VPS13B: variants seen among roughly 807,000 people sequenced by gnomAD.
VPS13B encodes the protein vacuolar protein sorting 13 homolog B, also known as intermembrane lipid transfer protein VPS13B.
A neutral mutation model predicts 426.4 loss-of-function variants in VPS13B; 285 were observed. The observed-to-expected ratio is 0.67, with a 90% confidence interval of 0.61 to 0.74. VPS13B has a LOEUF of 0.74. VPS13B is among the 30% of genes least tolerant of loss of function. The pLI, the probability that VPS13B is intolerant of heterozygous loss-of-function variation, is 0.00. For synonymous variants in VPS13B, 1,676 were observed against 1,676.4 expected, an observed-to-expected ratio of 1.00 and a Z score of 0.01; for missense variants, 4,537 against 4,782.6, an observed-to-expected ratio of 0.95 and a Z score of 1.51.
intron 8 of VPS13B, among the ~76,000 whole-genome samples, chr8:99,126,765 T>C (rs1156761345): frequency 6.6e-6 from 1 of 152,208 alleles, no homozygotes; most frequent in Non-Finnish European, 1.5e-5. Context: ...CATATATATG[T>C]GGAAGAGTTT....
intron 30 of VPS13B, among the ~76,000 whole-genome samples, chr8:99,553,897 A>C (rs933749361): frequency 6.6e-6 from 1 of 152,098 alleles, no homozygotes; most frequent in Admixed American, 6.6e-5. Context: ...TAAAAGTTTG[A>C]AATTTGAAAA....
intron 31 of VPS13B, among the ~76,000 whole-genome samples, chr8:99,557,768 T>C (rs1824667366): frequency 6.6e-6 from 1 of 152,194 alleles, no homozygotes; most frequent in Admixed American, 6.5e-5. Context: ...CTTAACGATT[T>C]ATAGTCACTG....
At position 99,096,414 on chromosome 8, in the gene VPS13B, G is replaced by T. The variant is rs1345448425; in HGVS notation, c.394G>T (p.Asp132Tyr). 6.2e-7 allele frequency: 1 copy of T among 1,613,948 alleles called. No individual in the cohort carries two copies. The highest frequency in any genetic ancestry group is 1.3e-5 in the African/African-American group (1 of 74,914). ...PRRMQQAAPT[D>Y]PDLPPGYVQS... ...GAGAATGCAGCAGGCTGCTCCTACA[G>T]ATCCTGACTTACCACCAGGTAACTT... The change falls in exon 4 of 62, where the codon GAT (aspartate) becomes TAT (tyrosine). Residue 132 changes from aspartate (D) to tyrosine (Y), a missense_variant. Asp to Tyr is a radical substitution (Grantham distance 160). Transcript: ENST00000357162.
chr8:99,767,809 T>C (rs570588450), intron 40 of VPS13B, among the ~76,000 whole-genome samples: 6 of 152,144 alleles, frequency 3.9e-5, no homozygotes, highest in Non-Finnish European at 7.4e-5. Context: ...ACACCTGTAG[T>C]TCCAGCTACT....
intron 23 of VPS13B, among the ~76,000 whole-genome samples, chr8:99,448,302 A>G (rs1303083293): frequency 1.3e-5 from 2 of 152,022 alleles, no homozygotes; most frequent in Non-Finnish European, 2.9e-5. Flanking sequence ...TGCATAATCA[A>G]CATTGAAACA....
chr8:99,400,505 A>G (rs920079472), intron 21 of VPS13B, among the ~76,000 whole-genome samples: 2 of 152,224 alleles, frequency 1.3e-5, no homozygotes, highest in African/African-American at 4.8e-5. Flanking sequence ...GCAAGCATCC[A>G]TAGTAGTTAT....
rs1227675293 is a variant in VPS13B at position 99,671,836 on chromosome 8, CTG to C, written c.6046+10346_6046+10347del. 7.9e-5 allele frequency among the ~76,000 whole-genome samples: 12 copies of C among 152,186 alleles called. No individual in the cohort carries two copies. The South Asian group carries it at 8.3e-4, about 11-fold the overall frequency. On this transcript the variant is annotated intron_variant, in intron 35 of 61. Transcript: ENST00000357162. ...GAGATAAGGATCTACTTTCATTCTT[CTG>C]CATGGGCTAGCTAGCTTTCCCAACA...
intron 4 of VPS13B, among the ~76,000 whole-genome samples, chr8:99,101,674 C>T (rs371033956): frequency 6.6e-6 from 1 of 152,118 alleles, no homozygotes; most frequent in Admixed American, 6.6e-5. Flanking sequence ...GAGAAAACCT[C>T]GAATCTAAGT....
intron 25 of VPS13B, among the ~76,000 whole-genome samples, chr8:99,485,730 A>G (rs1319251930): frequency 6.6e-6 from 1 of 152,230 alleles, no homozygotes; most frequent in African/African-American, 2.4e-5. Flanking sequence ...TATCAGGACA[A>G]TGATTATTAC....
chr8:99,565,483 G>T (rs1825134663), intron 31 of VPS13B, among the ~76,000 whole-genome samples: 1 of 151,804 alleles, frequency 6.6e-6, no homozygotes, highest in African/African-American at 2.4e-5. Context: ...TACTTCTCAG[G>T]ATTGGTAACA....
At chr8:99,313,287 A>G (rs1270527668) in intron 19 of VPS13B, among the ~76,000 whole-genome samples, 1 of 152,128 alleles carries the variant, frequency 6.6e-6, no homozygotes, top group Non-Finnish European at 1.5e-5. Flanking sequence ...TTTTTTCTGC[A>G]TCTTTGTGGT....
intron 22 of VPS13B, among the ~76,000 whole-genome samples, chr8:99,436,825 G>A (rs1028167545): frequency 1.7e-4 from 25 of 150,342 alleles, no homozygotes; most frequent in African/African-American, 9.8e-5. Context: ...TGCAAGCTCC[G>A]CCTCCCAGGT....
chr8:99,854,263 A>G lies in VPS13B; in HGVS notation c.10867+7A>G, dbSNP rs1378858300. On this transcript the variant is annotated splice_region_variant and intron_variant, in intron 56 of 61. Coordinates refer to ENST00000357162, the MANE Select transcript of VPS13B (RefSeq NM_152564.5). ...GGGGCCCTTTTTAGAGCAGGTAAGA[A>G]CACAAGCTGAGGGTCTGTGATGAGC... is the stretch of plus-strand genomic sequence containing the variant. The G allele has an allele frequency of 1.7e-5, 27 of 1,612,644 alleles. No individual in the cohort carries two copies. The highest frequency in any genetic ancestry group is 2.1e-5 in the Non-Finnish European group (25 of 1,179,670).
At chr8:99,638,309 T>G (rs1419361367) in intron 33 of VPS13B, among the ~76,000 whole-genome samples, 3 of 152,168 alleles carry the variant, frequency 2.0e-5, no homozygotes, top group African/African-American at 7.2e-5. Context: ...AAACTCAATT[T>G]TCTCAGCTGT....
At chr8:99,234,588 G>A (rs1260267910) in intron 17 of VPS13B, 1 of 408,522 alleles carries the variant, frequency 2.4e-6, no homozygotes, top group African/African-American at 2.1e-5. Context: ...TTGTGCTGGC[G>A]AGAGTTGGGT....
chr8:99,157,764 A>C (rs1396394690), intron 15 of VPS13B, among the ~76,000 whole-genome samples: 2 of 152,252 alleles, frequency 1.3e-5, no homozygotes, highest in African/African-American at 2.4e-5. Context: ...CCTCTTTTGC[A>C]AAACAGCCAA....
In VPS13B at chr8:99,817,885, A is replaced by G. The variant is rs1298465679; in HGVS notation, c.8361+82A>G. On this transcript the variant is annotated intron_variant, in intron 45 of 61. Transcript: ENST00000357162. ...AATGTTCTTTACTCGTACAGCACTTAATTTATTAAAAAGTGACATATAAAA... is the reference window on the plus strand; with the variant it reads ...AATGTTCTTTACTCGTACAGCACTTGATTTATTAAAAAGTGACATATAAAA... 4 of 1,599,426 alleles carry G rather than the reference A, an allele frequency of 2.5e-6. No individual in the cohort carries two copies. In the East Asian group the frequency reaches 9.1e-5, roughly 36 times the overall value.
intron 21 of VPS13B, among the ~76,000 whole-genome samples, chr8:99,429,277 T>C (rs892868950): frequency 3.6e-5 from 5 of 139,438 alleles, no homozygotes; most frequent in Non-Finnish European, 7.7e-5. Flanking sequence ...ACTTAAAGTA[T>C]AATAACCAAA....
chr8:99,340,462 G>A, intron 19 of VPS13B: 1 of 490,682 alleles, frequency 2.0e-6, no homozygotes, highest in Non-Finnish European at 4.1e-6. Flanking sequence ...CTCAGACTAG[G>A]ACATGTTTCC....
Sources: allele counts gnomAD v4.1 joint callset (sites outside exome capture counted in the v4.1 genomes callset), GRCh38; gene constraint gnomAD v4.1.1; transcripts MANE v1.5; gene names NCBI Gene and HGNC (gene_info 2026-07-23, HGNC 2026-07-21).